Variants in EFCAB8 observed in about 807,000 individuals in gnomAD.
The protein encoded by EFCAB8 is EF-hand calcium-binding domain-containing protein 8.
Under a neutral mutation model 116.3 loss-of-function variants are expected in EFCAB8, and 100 were observed. The observed-to-expected ratio is 0.86, with a 90% CI of 0.73 to 1.02. The LOEUF (loss-of-function observed/expected upper bound fraction) is 1.02, where lower values mean the gene tolerates loss of function less well. Among genes scored for constraint, EFCAB8 ranks in the 50% least tolerant of loss-of-function variants. The pLI is 0.00. For missense variants in EFCAB8, 1,320 were observed against 1,416.9 expected, an observed-to-expected ratio of 0.93 and a Z score of 1.10; for synonymous variants, 558 against 567.9, an observed-to-expected ratio of 0.98 and a Z score of 0.25.
intron 1 of EFCAB8, among the ~76,000 whole-genome samples, chr20:32,859,895 ATT>A (rs1984014653): frequency 6.6e-6 from 1 of 152,168 alleles, no homozygotes; most frequent in Non-Finnish European, 1.5e-5. Context: ...CCCTTGCAGC[ATT>A]TTTGTTTTTT....
chr20:32,875,482 C>T (rs1420937358), intron 3 of EFCAB8, among the ~76,000 whole-genome samples: 2 of 133,186 alleles, frequency 1.5e-5, no homozygotes, highest in African/African-American at 2.6e-5. Context: ...TTGAACTGAG[C>T]ACACCTGGTA....
intron 23 of EFCAB8, among the ~76,000 whole-genome samples, chr20:32,956,186 T>A (rs1988959611): frequency 6.6e-6 from 1 of 152,166 alleles, no homozygotes; most frequent in African/African-American, 2.4e-5. Context: ...CTTGACCTAG[T>A]GCTGCTTCCT....
intron 1 of EFCAB8, among the ~76,000 whole-genome samples, chr20:32,859,290 G>C (rs1325233598): frequency 6.6e-6 from 1 of 152,188 alleles, no homozygotes; most frequent in Non-Finnish European, 1.5e-5. Flanking sequence ...GCTCCGGACA[G>C]GTCAACTTTA....
intron 19 of EFCAB8, among the ~76,000 whole-genome samples, chr20:32,919,008 A>G (rs1427978079): frequency 6.6e-6 from 1 of 152,214 alleles, no homozygotes; most frequent in Non-Finnish European, 1.5e-5. Context: ...GACACAGACA[A>G]ACCACTTTCC....
At position 32,961,475 on chromosome 20, in the gene EFCAB8, T is replaced by A; in HGVS notation, c.3733T>A (p.Ser1245Thr). The A allele has an allele frequency of 6.9e-7, 1 of 1,448,672 alleles. No individual in the cohort carries two copies. Among genetic ancestry groups the A allele is most frequent in the South Asian group, 1.5e-5 (1 of 67,108 alleles). The allele number at this position is 1,448,672 out of a possible 1,614,324, so 89.7% of individuals were successfully genotyped here. The change falls in exon 27 of 27, where the codon TCC (serine) becomes ACC (threonine). Residue 1245 changes from serine (S) to threonine (T), a missense_variant. Coordinates refer to ENST00000400522, the MANE Select transcript of EFCAB8 (RefSeq NM_001143967.2). ...AGCCCATTCCACCCCCTCGGTCCCA[T>A]CCCCGGTGTCCAAGTCCACCCTGCA... ...STAHSTPSVP[S>T]PVSKSTLQGS...
intron 3 of EFCAB8, among the ~76,000 whole-genome samples, chr20:32,868,359 A>C (rs74879023): frequency 1.9e-3 from 283 of 152,242 alleles, no homozygotes; most frequent in African/African-American, 6.5e-3. Flanking sequence ...CACTGTGCCC[A>C]ACCCTGATCA....
chr20:32,930,683 C>A, intron 21 of EFCAB8, 67 bp downstream of exon 21: 2 of 1,435,954 alleles, frequency 1.4e-6, no homozygotes, highest in South Asian at 1.2e-5. Context: ...TCTCTTTGCT[C>A]ACATGGCCCT....
intron 6 of EFCAB8, among the ~76,000 whole-genome samples, chr20:32,888,455 C>G (rs1056812275): frequency 6.6e-6 from 1 of 152,174 alleles, no homozygotes; most frequent in African/African-American, 2.4e-5. Flanking sequence ...AACTCCTGAC[C>G]TAGTGATCTG....
intron 2 of EFCAB8, among the ~76,000 whole-genome samples, chr20:32,866,256 G>T (rs6058919): frequency 1.1e-3 from 170 of 152,312 alleles, no homozygotes; most frequent in Admixed American, 2.5e-3. Flanking sequence ...GGGGCTAAGT[G>T]GGGGAGAGTG....
intron 17 of EFCAB8, among the ~76,000 whole-genome samples, chr20:32,913,241 C>T (rs1420896122): frequency 1.3e-5 from 2 of 152,106 alleles, no homozygotes; most frequent in African/African-American, 4.8e-5. Context: ...AAGTTCCAGA[C>T]AAGGTGCCAG....
At chr20:32,926,268 A>G (rs1487057313) in intron 20 of EFCAB8, among the ~76,000 whole-genome samples, 1 of 152,260 alleles carries the variant, frequency 6.6e-6, no homozygotes, top group East Asian at 1.9e-4. Context: ...TTAGAAAAAT[A>G]CTTAATCATT....
At chr20:32,877,992 TCTG>T (rs1985074478) in intron 4 of EFCAB8, among the ~76,000 whole-genome samples, 1 of 152,084 alleles carries the variant, frequency 6.6e-6, no homozygotes, top group Non-Finnish European at 1.5e-5. Flanking sequence ...CAAGAACAGG[TCTG>T]CTGTCCAAGC....
At chr20:32,893,116 C>G (rs999196461) in intron 8 of EFCAB8, 58 bp from the exon 9 acceptor site, 128 of 1,545,696 alleles carry the variant, frequency 8.3e-5, no homozygotes, top group Admixed American at 2.0e-4. Flanking sequence ...GCTGGTCTTA[C>G]AGGTGTGAGC....
chr20:32,909,107 C>T (rs1986808260), intron 14 of EFCAB8, among the ~76,000 whole-genome samples: 2 of 152,320 alleles, frequency 1.3e-5, no homozygotes, highest in Non-Finnish European at 2.9e-5. Context: ...CGTGCTTGAG[C>T]TCCACCAAGG....
intron 3 of EFCAB8, among the ~76,000 whole-genome samples, chr20:32,874,039 A>G (rs1600368792): frequency 6.6e-6 from 1 of 151,018 alleles, no homozygotes; most frequent in Non-Finnish European, 1.5e-5. Flanking sequence ...TCCCAGCTCA[A>G]CCTCCCCAGT....
chr20:32,911,919 G>T (rs993400973), intron 16 of EFCAB8, among the ~76,000 whole-genome samples: 2 of 152,176 alleles, frequency 1.3e-5, no homozygotes, highest in African/African-American at 2.4e-5. Context: ...TTCCACTAAG[G>T]TTAGCTACTG....
At chr20:32,885,469 T>G in intron 5 of EFCAB8, 36 bp from the exon 6 acceptor site, 1 of 1,550,608 alleles carries the variant, frequency 6.4e-7, no homozygotes, top group Admixed American at 2.0e-5. Flanking sequence ...GAGCTGTTTT[T>G]GCTTGGGCTC....
At position 32,897,892 on chromosome 20, in the gene EFCAB8, C is replaced by T. The variant is rs1038105773; in HGVS notation, c.958-601C>T. On this transcript the variant is annotated intron_variant, in intron 10 of 26. Transcript: ENST00000400522. ...ATTTGATGAGCCAATCTCTCCAACCCGCCTTTTCCATTCTCGTCACAGAGA... is the reference window on the plus strand; with the variant it reads ...ATTTGATGAGCCAATCTCTCCAACCTGCCTTTTCCATTCTCGTCACAGAGA... Among the ~76,000 whole-genome samples the T allele has an allele frequency of 3.9e-5, 6 of 152,308 alleles. No individual in the cohort carries two copies. The South Asian group carries it at 8.3e-4, about 21-fold the overall frequency.
chr20:32,959,976 C>G lies in EFCAB8; in HGVS notation c.3288C>G (p.Asp1096Glu). 2 of 1,551,628 alleles carry G rather than the reference C, an allele frequency of 1.3e-6. No homozygotes were observed. The highest frequency in any genetic ancestry group is 4.9e-5 in the East Asian group (2 of 40,904). Residue 1096 changes from aspartate (D) to glutamate (E), a missense_variant, in exon 25 of 27, where the codon GAC becomes GAG. Physicochemically the swap from Asp to Glu is conservative, Grantham distance 45. Transcript: ENST00000400522. ...EDSWNKWESR[D>E]KQVSKVLGAA... is the part of the protein sequence containing the mutation. Reference sequence around the variant, plus strand: ...GCTGGAACAAGTGGGAGTCCAGGGACAAGCAGGTGAGGCTGGGAGGGGAGC... The same window carrying G: ...GCTGGAACAAGTGGGAGTCCAGGGAGAAGCAGGTGAGGCTGGGAGGGGAGC...
Sources: allele counts gnomAD v4.1 joint callset (sites outside exome capture counted in the v4.1 genomes callset), GRCh38; gene constraint gnomAD v4.1.1; transcripts MANE v1.5; gene names NCBI Gene and HGNC (gene_info 2026-07-23, HGNC 2026-07-21).